Variants in TSNARE1 observed in about 807,000 individuals in gnomAD.
TSNARE1 encodes t-SNARE domain containing 1.
TSNARE1 carries 49 observed loss-of-function variants against 62.0 expected under a neutral mutation model. The observed-to-expected ratio is 0.79, with a 90% CI of 0.63 to 1.00. The LOEUF (loss-of-function observed/expected upper bound fraction) is 1.00, where lower values mean the gene tolerates loss of function less well. Among genes scored for constraint, TSNARE1 ranks in the 50% least tolerant of loss-of-function variants. The probability of loss-of-function intolerance (pLI) is 0.00; values close to 1 mark genes in which losing one functional copy is unlikely to be tolerated. For synonymous variants in TSNARE1, 328 were observed against 294.4 expected, an observed-to-expected ratio of 1.11 and a Z score of -1.17; for missense variants, 755 against 700.1, an observed-to-expected ratio of 1.08 and a Z score of -0.88.
In TSNARE1 at chr8:142,311,290, G is replaced by GTTTTTTTTTTTTTTTTTTT. The variant is rs58755110; in HGVS notation, c.1131+3075_1131+3093dup. Among the ~76,000 whole-genome samples, 81 of 57,348 alleles carry GTTTTTTTTTTTTTTTTTTT rather than the reference G, an allele frequency of 1.4e-3. 2 individuals are homozygous for GTTTTTTTTTTTTTTTTTTT. The highest frequency in any genetic ancestry group is 0.017 in the Middle Eastern group (1 of 60). 37.6% of individuals were successfully genotyped at this position (57,348 alleles called of 152,430 possible). On this transcript the variant is annotated intron_variant, in intron 9 of 13. Transcript: ENST00000524325. The stretch of plus-strand genomic sequence containing the variant: ...CGATTCTCCTGCCTCAGCCTCTCTA[G>GTTTTTTTTTTTTTTTTTTT]TTTTTTTTTTTTTTTTTTTTTTTTG...
chr8:142,337,038 A>T (rs1831849804), intron 4 of TSNARE1, among the ~76,000 whole-genome samples: 1 of 152,224 alleles, frequency 6.6e-6, no homozygotes, highest in Non-Finnish European at 1.5e-5. Flanking sequence ...TACTTAGAAA[A>T]AAAAAGATCT....
chr8:142,390,164 T>C (rs377074134), intron 1 of TSNARE1, among the ~76,000 whole-genome samples: 16 of 152,252 alleles, frequency 1.1e-4, no homozygotes, highest in African/African-American at 3.9e-4. Flanking sequence ...GGACTAGAAG[T>C]TGCCTGCGTG....
intron 1 of TSNARE1, among the ~76,000 whole-genome samples, chr8:142,358,659 C>A (rs1312340436): frequency 6.6e-6 from 1 of 152,086 alleles, no homozygotes; most frequent in Non-Finnish European, 1.5e-5. Flanking sequence ...CACCGAGTCA[C>A]CGCAGGCAGA....
At chr8:142,276,452 C>T in intron 11 of TSNARE1, 1 of 985,492 alleles carries the variant, frequency 1.0e-6, no homozygotes, top group Non-Finnish European at 1.2e-6. Context: ...CGCTCACGTG[C>T]AAAGGAGCCA....
At chr8:142,317,468 C>T (rs1346799884) in intron 7 of TSNARE1, among the ~76,000 whole-genome samples, 2 of 151,842 alleles carry the variant, frequency 1.3e-5, no homozygotes, top group African/African-American at 4.8e-5. Context: ...ACACTGTATA[C>T]ATGAAGCAGG....
chr8:142,302,053 G>A (rs1347337805), intron 9 of TSNARE1, among the ~76,000 whole-genome samples: 4 of 152,122 alleles, frequency 2.6e-5, no homozygotes, highest in Non-Finnish European at 5.9e-5. Context: ...TGCTCCTCAT[G>A]CTCCTGGGGC....
chr8:142,386,454 A>G (rs748137376), intron 1 of TSNARE1, among the ~76,000 whole-genome samples: 7 of 152,182 alleles, frequency 4.6e-5, no homozygotes, highest in Non-Finnish European at 8.8e-5. Flanking sequence ...AAAAGACTTA[A>G]CAATACATGC....
intron 10 of TSNARE1, among the ~76,000 whole-genome samples, chr8:142,292,647 G>C (rs2131108088): frequency 6.6e-6 from 1 of 152,222 alleles, no homozygotes; most frequent in African/African-American, 2.4e-5. Context: ...TCAAGGTCAA[G>C]GTCACCAGTG....
intron 9 of TSNARE1, among the ~76,000 whole-genome samples, chr8:142,310,641 G>A (rs1827424013): frequency 6.6e-6 from 1 of 152,108 alleles, no homozygotes; most frequent in Admixed American, 6.5e-5. Context: ...GCGTTTTGAA[G>A]GCACATTTCC....
intron 6 of TSNARE1, among the ~76,000 whole-genome samples, chr8:142,320,455 TG>T (rs1290101096): frequency 6.8e-6 from 1 of 147,780 alleles, no homozygotes; most frequent in Non-Finnish European, 1.5e-5. Flanking sequence ...ACTGCCCTCC[TG>T]CACCTCCGAC....
chr8:142,314,049 G>T (rs1464549317), intron 9 of TSNARE1, among the ~76,000 whole-genome samples: 2 of 152,232 alleles, frequency 1.3e-5, no homozygotes, highest in Non-Finnish European at 2.9e-5. Flanking sequence ...ACAGTGCTGG[G>T]ACTCCAGGCG....
At chr8:142,214,888 G>A (rs1165911113) in intron 13 of TSNARE1, among the ~76,000 whole-genome samples, 1 of 152,208 alleles carries the variant, frequency 6.6e-6, no homozygotes, top group Non-Finnish European at 1.5e-5. Flanking sequence ...CCAGCCTCCA[G>A]GGCAAAGAGC....
At chr8:142,278,485 G>A (rs1035068510) in intron 11 of TSNARE1, 41 of 985,312 alleles carry the variant, frequency 4.2e-5, no homozygotes, top group Middle Eastern at 5.2e-4. Flanking sequence ...AGGGTCCAGC[G>A]GGGCTCTGCT....
rs1819588984 is a variant in TSNARE1, at chr8:142,271,788, C to G, written c.1446+2993G>C. Reference sequence around the variant, plus strand: ...CAGGGAGAGTGCCCATGTGAGGCCTCTGCACCTGGAGCTGTATGGGTCTCA... The same window carrying G: ...CAGGGAGAGTGCCCATGTGAGGCCTGTGCACCTGGAGCTGTATGGGTCTCA... On this transcript the variant is annotated intron_variant, in intron 12 of 13. Transcript: ENST00000524325. The G allele has an allele frequency of 3.9e-5, 32 of 820,608 alleles. No homozygotes were observed. In the South Asian group the frequency reaches 9.4e-4, roughly 24 times the overall value. 50.8% of individuals were successfully genotyped at this position (820,608 alleles called of 1,614,324 possible). A position where few individuals can be genotyped will look rare whatever the true frequency, so the allele number is the denominator to read the frequency against.
chr8:142,357,325 G>C (rs529183504), intron 1 of TSNARE1, among the ~76,000 whole-genome samples: 1 of 152,358 alleles, frequency 6.6e-6, no homozygotes, highest in South Asian at 2.1e-4. Flanking sequence ...ACCCCAGGTG[G>C]GGAGGGTCCA....
intron 7 of TSNARE1, among the ~76,000 whole-genome samples, chr8:142,315,690 C>T (rs543955491): frequency 9.2e-5 from 14 of 152,344 alleles, no homozygotes; most frequent in African/African-American, 3.4e-4. Flanking sequence ...CGCCTCATTG[C>T]TCTGGCTCAC....
chr8:142,300,491 T>A lies in TSNARE1; in HGVS notation c.1285A>T (p.Met429Leu). Residue 429 changes from methionine to leucine, a missense_variant, in exon 10 of 14, where the codon ATG becomes TTG. Physicochemically the swap from Met to Leu is conservative, Grantham distance 15. Coordinates refer to ENST00000524325, the MANE Select transcript of TSNARE1 (RefSeq NM_145003.5). ...IRLREEAILQ[M>L]ESNLLDVNQI... ...CTTGCCCACGCCAGCCTCACCTCCA[T>A]CTGCAGGATGGCCTCCTCCCGCAGC... 6.2e-7 allele frequency: 1 copy of A among 1,602,758 alleles called. No individual in the cohort carries two copies. Among genetic ancestry groups the A allele is most frequent in the Non-Finnish European group, 8.5e-7 (1 of 1,178,098 alleles).
chr8:142,394,517 C>G (rs938368128), intron 1 of TSNARE1, among the ~76,000 whole-genome samples: 9 of 152,182 alleles, frequency 5.9e-5, no homozygotes, highest in Non-Finnish European at 1.0e-4. Context: ...GGTTCCAAGG[C>G]ACAAATCGAC....
At chr8:142,258,495 T>C (rs886722232) in intron 12 of TSNARE1, among the ~76,000 whole-genome samples, 3 of 149,550 alleles carry the variant, frequency 2.0e-5, no homozygotes, top group African/African-American at 7.4e-5. Context: ...TTTTTTTTTT[T>C]TTTTGAGACA....
Sources: allele counts gnomAD v4.1 joint callset (sites outside exome capture counted in the v4.1 genomes callset), GRCh38; gene constraint gnomAD v4.1.1; transcripts MANE v1.5; gene names NCBI Gene and HGNC (gene_info 2026-07-23, HGNC 2026-07-21).